LSP1: variants seen among roughly 807,000 people sequenced by gnomAD.
The protein encoded by LSP1 is lymphocyte specific protein 1.
LSP1 carries 32 observed loss-of-function variants against 49.3 expected under a neutral mutation model. That is an observed-to-expected ratio of 0.65 (90% CI 0.49 to 0.87). The LOEUF is 0.87. LSP1 is among the 40% of genes least tolerant of loss of function. The pLI, the probability that LSP1 is intolerant of heterozygous loss-of-function variation, is 0.00. For synonymous variants in LSP1, 179 were observed against 178.8 expected, an observed-to-expected ratio of 1.00 and a Z score of -0.01; for missense variants, 428 against 442.6, an observed-to-expected ratio of 0.97 and a Z score of 0.30.
chr11:1,854,597 C>G (rs1196377222), intron 1 of LSP1, among the ~76,000 whole-genome samples: 2 of 152,162 alleles, frequency 1.3e-5, no homozygotes, highest in African/African-American at 4.8e-5. Context: ...CCCCGAGTGC[C>G]GTGAGTGGAG....
chr11:1,875,490 T>C (rs1221582954), intron 1 of LSP1, among the ~76,000 whole-genome samples: 4 of 152,216 alleles, frequency 2.6e-5, no homozygotes, highest in Non-Finnish European at 4.4e-5. Flanking sequence ...GCATTAGCTC[T>C]TGCCTGCACC....
intron 1 of LSP1, chr11:1,866,819 C>T (rs1847806825): frequency 1.9e-6 from 3 of 1,549,902 alleles, no homozygotes; most frequent in South Asian, 1.2e-5. Context: ...GGGGCAGAGC[C>T]CCTGCCTGGC....
At chr11:1,889,386 A>G (rs1035960400) in intron 10 of LSP1, 1 of 701,276 alleles carries the variant, frequency 1.4e-6, no homozygotes, top group African/African-American at 1.8e-5. Flanking sequence ...GGCATCCCAC[A>G]TCCTGGAGGT....
intron 1 of LSP1, chr11:1,870,692 C>T (rs1447746582): frequency 3.9e-6 from 4 of 1,027,584 alleles, no homozygotes; most frequent in African/African-American, 3.4e-5. Context: ...ATGTATGAAG[C>T]CTCTGGTTGC....
At chr11:1,856,902 G>A (rs1217699762) in intron 1 of LSP1, among the ~76,000 whole-genome samples, 1 of 152,352 alleles carries the variant, frequency 6.6e-6, no homozygotes, top group South Asian at 2.1e-4. Context: ...CAGAGCTGGG[G>A]ACAGTTGGGG....
chr11:1,879,648 G>A (rs990835368), intron 1 of LSP1, among the ~76,000 whole-genome samples: 1 of 152,220 alleles, frequency 6.6e-6, no homozygotes, highest in Non-Finnish European at 1.5e-5. Context: ...GCCTGGCGGT[G>A]GGCTGCGGCC....
intron 1 of LSP1, chr11:1,870,311 C>T: frequency 7.7e-7 from 1 of 1,296,310 alleles, no homozygotes; most frequent in Non-Finnish European, 1.0e-6. Context: ...CATCCTGGGG[C>T]TTGGCAGGGG....
chr11:1,868,524 TG>T, intron 1 of LSP1: 1 of 437,442 alleles, frequency 2.3e-6, no homozygotes, highest in Non-Finnish European at 3.0e-6. Context: ...ATGTGGCCAG[TG>T]GGGCAGGAAT....
At chr11:1,873,180 G>A (rs1197228337) in intron 1 of LSP1, among the ~76,000 whole-genome samples, 2 of 151,854 alleles carry the variant, frequency 1.3e-5, no homozygotes, top group African/African-American at 4.8e-5. Flanking sequence ...GGAGAGGGGA[G>A]GGCTGTGCGG....
intron 1 of LSP1, among the ~76,000 whole-genome samples, chr11:1,875,950 G>T (rs1368507948): frequency 1.3e-5 from 2 of 152,220 alleles, no homozygotes; most frequent in African/African-American, 2.4e-5. Flanking sequence ...TCCCTGGACT[G>T]CCCCCTCCCT....
At chr11:1,864,961 A>G (rs946577268) in intron 1 of LSP1, among the ~76,000 whole-genome samples, 8 of 151,820 alleles carry the variant, frequency 5.3e-5, no homozygotes, top group Admixed American at 4.6e-4. Context: ...AGACAGAGAG[A>G]AGGGACAGGG....
At chr11:1,888,205 G>T (rs983435207) in intron 10 of LSP1, among the ~76,000 whole-genome samples, 4 of 152,182 alleles carry the variant, frequency 2.6e-5, no homozygotes, top group African/African-American at 9.7e-5. Flanking sequence ...CTCTCAAGCA[G>T]CTGTGGCAGA....
chr11:1,884,286 G>C lies in LSP1; in HGVS notation c.598G>C (p.Asp200His). 2 of 1,614,026 alleles carry C rather than the reference G, an allele frequency of 1.2e-6. No individual in the cohort carries two copies. The highest frequency in any genetic ancestry group is 1.7e-6 in the Non-Finnish European group (2 of 1,179,990). ...PPLSPTTKLI[D>H]RTESLNRSIE... is the part of the protein sequence containing the mutation. ...CTCTCTCCACCCTCTGCAGCTCATC[G>C]ACAGGACCGAGTCCCTAAACCGCTC... Residue 200 changes from aspartate to histidine, a missense_variant, in exon 6 of 11, where the codon GAC (aspartate) becomes CAC (histidine). Transcript: ENST00000311604. The surrounding 1 kb of genome is among the most constrained non-coding windows in gnomAD (Gnocchi z 4.1).
At chr11:1,883,687 G>T in intron 4 of LSP1, 127 bp downstream of exon 4, 8 of 1,224,204 alleles carry the variant, frequency 6.5e-6, no homozygotes, top group Non-Finnish European at 9.0e-6. Flanking sequence ...CACACCCCTA[G>T]ACCTTGCAGC....
chr11:1,865,374 C>A, intron 1 of LSP1: 1 of 349,212 alleles, frequency 2.9e-6, no homozygotes. Flanking sequence ...GGCTCTGCTG[C>A]CCCAAGCGTG....
intron 1 of LSP1, among the ~76,000 whole-genome samples, chr11:1,872,621 C>T (rs4980387): frequency 0.42 from 52,102 of 123,960 alleles, 10,761 homozygotes; most frequent in South Asian, 0.5. Flanking sequence ...GCAGTCACCC[C>T]GGTGCACGCT....
At chr11:1,869,800 T>TA (rs1847920875) in intron 1 of LSP1, 1 of 323,956 alleles carries the variant, frequency 3.1e-6, no homozygotes, top group African/African-American at 9.5e-5. Flanking sequence ...GGAGGGGGCG[T>TA]GGGGGGGGCT....
At chr11:1,855,840 C>T (rs1398319338) in intron 1 of LSP1, among the ~76,000 whole-genome samples, 1 of 152,184 alleles carries the variant, frequency 6.6e-6, no homozygotes, top group Non-Finnish European at 1.5e-5. Context: ...CCCTCTATAG[C>T]CCCCAAGAGC....
chr11:1,876,329 G>GAGCC (rs1848308238), intron 1 of LSP1: 1 of 367,922 alleles, frequency 2.7e-6, no homozygotes, highest in African/African-American at 2.2e-5. Flanking sequence ...GCTGTGCAGG[G>GAGCC]AGCCCCGAAC....
Sources: allele counts gnomAD v4.1 joint callset (sites outside exome capture counted in the v4.1 genomes callset), GRCh38; gene constraint gnomAD v4.1.1; non-coding constraint Gnocchi (gnomAD v3.1); transcripts MANE v1.5; gene names NCBI Gene and HGNC (gene_info 2026-07-23, HGNC 2026-07-21).